Variants in TXNRD1 observed in about 807,000 individuals in gnomAD.
The protein encoded by TXNRD1 is thioredoxin reductase 1, also known as thioredoxin reductase 1, cytoplasmic.
In TXNRD1, 57 loss-of-function variants were observed where a neutral mutation model predicts 80.3. The ratio of observed to expected loss-of-function variants is 0.71; its 90% CI spans 0.57 to 0.89. The LOEUF (loss-of-function observed/expected upper bound fraction) is 0.89, where lower values mean the gene tolerates loss of function less well. Ranked by LOEUF, TXNRD1 falls within the 40% of genes least tolerant of loss-of-function variation. The pLI, the probability that TXNRD1 is intolerant of heterozygous loss-of-function variation, is 0.00. For synonymous variants in TXNRD1, 291 were observed against 285.2 expected (o/e 1.02, Z -0.20); for missense variants, 730 against 803.0 (o/e 0.91, Z 1.10).
chr12:104,219,310 A>G (rs2032294084), intron 1 of TXNRD1, among the ~76,000 whole-genome samples: 1 of 152,212 alleles, frequency 6.6e-6, no homozygotes, highest in Non-Finnish European at 1.5e-5. Flanking sequence ...CTTAAGTACC[A>G]TATGATCTCT....
intron 4 of TXNRD1, among the ~76,000 whole-genome samples, chr12:104,295,227 G>C (rs1375612324): frequency 1.3e-5 from 2 of 152,072 alleles, no homozygotes. Context: ...TTTTTGCTGT[G>C]TATCTGTTCT....
At chr12:104,314,940 A>G (rs1361073410) in intron 6 of TXNRD1, among the ~76,000 whole-genome samples, 1 of 151,570 alleles carries the variant, frequency 6.6e-6, no homozygotes, top group East Asian at 1.9e-4. Flanking sequence ...ACAGGGTTTC[A>G]CCGTTTTGGC....
chr12:104,339,861 A>G (rs944160592), intron 16 of TXNRD1, among the ~76,000 whole-genome samples: 1 of 152,218 alleles, frequency 6.6e-6, no homozygotes, highest in African/African-American at 2.4e-5. Flanking sequence ...ACGTCATACT[A>G]TACCAGCTTA....
intron 2 of TXNRD1, among the ~76,000 whole-genome samples, chr12:104,256,986 T>C (rs114138561): frequency 2.0e-5 from 3 of 149,272 alleles, no homozygotes; most frequent in Non-Finnish European, 4.5e-5. Context: ...CTTTTTTTTT[T>C]TTTTTCAAGA....
intron 4 of TXNRD1, chr12:104,304,369 C>T (rs1243750298): frequency 6.2e-7 from 1 of 1,614,022 alleles, no homozygotes; most frequent in Non-Finnish European, 8.5e-7. Flanking sequence ...GTGATGATAG[C>T]ATAGCTCTTT....
At chr12:104,268,380 C>T (rs1315623773) in intron 3 of TXNRD1, among the ~76,000 whole-genome samples, 2 of 151,016 alleles carry the variant, frequency 1.3e-5, no homozygotes, top group African/African-American at 4.8e-5. Context: ...CCCATATTAG[C>T]CGGGCATGGT....
At chr12:104,303,828 T>C in intron 4 of TXNRD1, 1 of 1,427,578 alleles carries the variant, frequency 7.0e-7, no homozygotes. Context: ...GGCATGTTGG[T>C]TGAAAAAGCT....
At chr12:104,245,408 T>A (rs554853680) in intron 1 of TXNRD1, among the ~76,000 whole-genome samples, 8 of 144,478 alleles carry the variant, frequency 5.5e-5, no homozygotes, top group Non-Finnish European at 3.0e-5. Flanking sequence ...TCCCAGCTAC[T>A]CAGGAGGCTG....
chr12:104,300,403 T>C (rs2034582650), intron 4 of TXNRD1, among the ~76,000 whole-genome samples: 1 of 152,244 alleles, frequency 6.6e-6, no homozygotes, highest in Non-Finnish European at 1.5e-5. Flanking sequence ...ACTGCGGGAA[T>C]AAGGTAGACG....
In TXNRD1 at chr12:104,348,378, A is replaced by C; in HGVS notation, c.1907A>C (p.Lys636Thr). ...AEVFTTLSVT[K>T]RSGASILQAG... is the part of the protein sequence containing the mutation. Reference sequence around the variant, plus strand: ...GTATTCACAACATTGTCTGTGACCAAGCGCTCTGGGGCAAGCATCCTCCAG... The same window carrying C: ...GTATTCACAACATTGTCTGTGACCACGCGCTCTGGGGCAAGCATCCTCCAG... The change falls in exon 17 of 17, where the codon AAG becomes ACG. Residue 636 changes from lysine to threonine, a missense_variant. Physicochemically the swap from Lys to Thr is moderately conservative, Grantham distance 78. Transcript: ENST00000525566. 2 of 1,614,038 alleles carry C rather than the reference A, an allele frequency of 1.2e-6. No individual in the cohort carries two copies. The highest frequency in any genetic ancestry group is 3.3e-4 in the Middle Eastern group (2 of 6,062).
chr12:104,287,295 C>G, intron 3 of TXNRD1: 1 of 1,613,934 alleles, frequency 6.2e-7, no homozygotes, highest in Non-Finnish European at 8.5e-7. Flanking sequence ...CAGGCAGCTT[C>G]GTGGCGTGTG....
intron 16 of TXNRD1, 82 bp from the exon 17 acceptor site, chr12:104,348,271 G>A: frequency 7.8e-7 from 1 of 1,278,838 alleles, no homozygotes; most frequent in East Asian, 2.3e-5. Context: ...TGGTTTTAAT[G>A]CATATGGCAT....
chr12:104,310,119 T>C (rs2035079197), intron 4 of TXNRD1: 10 of 1,482,990 alleles, frequency 6.7e-6, no homozygotes, highest in Non-Finnish European at 8.9e-6. Flanking sequence ...GGGGCTTTTT[T>C]TTGTTATTAA....
chr12:104,329,818 C>T (rs1197449916), intron 13 of TXNRD1, among the ~76,000 whole-genome samples: 5 of 152,168 alleles, frequency 3.3e-5, no homozygotes, highest in East Asian at 1.9e-4. Context: ...TTGAAACCAC[C>T]TTGGCTTCCA....
intron 15 of TXNRD1, 58 bp from the exon 16 acceptor site, chr12:104,339,081 G>A: frequency 6.2e-7 from 1 of 1,600,656 alleles, no homozygotes; most frequent in Non-Finnish European, 8.5e-7. Context: ...AAGCTGTGTA[G>A]GAAGAGGAGG....
In TXNRD1 at chr12:104,348,671, G is replaced by A; in HGVS notation, c.*250G>A. On this transcript the variant is annotated 3_prime_UTR_variant, in exon 17 of 17. Coordinates refer to ENST00000525566, the MANE Select transcript of TXNRD1 (RefSeq NM_001093771.3). ...GGCATCGAAGGGATGCATCCATGAA[G>A]TCACCAGTCTCAAGCCCATGTGGTA... The A allele has an allele frequency of 2.0e-6, 1 of 501,826 alleles. No individual in the cohort carries two copies. The highest frequency in any genetic ancestry group is 3.6e-6 in the Non-Finnish European group (1 of 281,640). The allele number at this position is 501,826 out of a possible 1,614,324, so 31.1% of individuals were successfully genotyped here. A position where few individuals can be genotyped will look rare whatever the true frequency, so the allele number is the denominator to read the frequency against.
chr12:104,309,763 T>A, intron 4 of TXNRD1: 1 of 1,527,028 alleles, frequency 6.5e-7, no homozygotes, highest in Non-Finnish European at 8.8e-7. Context: ...CCACAGTGCT[T>A]TGTATTGAAG....
At chr12:104,311,653 G>A (rs376048002) in intron 5 of TXNRD1, among the ~76,000 whole-genome samples, 22 of 152,102 alleles carry the variant, frequency 1.4e-4, no homozygotes, top group Admixed American at 2.0e-4. Context: ...ACACGTTTCC[G>A]TTCACTTTAA....
At chr12:104,302,820 C>A (rs2034694444) in intron 4 of TXNRD1, among the ~76,000 whole-genome samples, 1 of 152,188 alleles carries the variant, frequency 6.6e-6, no homozygotes, top group African/African-American at 2.4e-5. Context: ...TTGCTATTTG[C>A]TGCTGGTGAG....
Sources: allele counts gnomAD v4.1 joint callset (sites outside exome capture counted in the v4.1 genomes callset), GRCh38; gene constraint gnomAD v4.1.1; transcripts MANE v1.5; gene names NCBI Gene and HGNC (gene_info 2026-07-23, HGNC 2026-07-21).